The following TIAM2 variants were observed in gnomAD, a reference collection of about 807,000 sequenced individuals.
TIAM2 encodes TIAM Rac1 associated GEF 2.
TIAM2 carries 80 observed loss-of-function variants against 152.9 expected under a neutral mutation model. The ratio of observed to expected loss-of-function variants is 0.52; its 90% confidence interval spans 0.44 to 0.63. TIAM2 has a LOEUF of 0.63. Ranked by LOEUF, TIAM2 falls within the 30% of genes least tolerant of loss-of-function variation. The pLI, the probability that TIAM2 is intolerant of heterozygous loss-of-function variation, is 0.00. For missense variants in TIAM2, 1,965 were observed against 2,120.1 expected (o/e 0.93, Z 1.44); for synonymous variants, 804 against 838.0 (o/e 0.96, Z 0.70).
intron 4 of TIAM2, among the ~76,000 whole-genome samples, chr6:155,136,308 CT>C (rs1344019378): frequency 6.6e-6 from 1 of 151,564 alleles, no homozygotes; most frequent in Non-Finnish European, 1.5e-5. Flanking sequence ...GAGTTTCGCT[CT>C]TGTTGCCCAG....
At chr6:155,099,952 TG>T (rs1231073592) in intron 2 of TIAM2, among the ~76,000 whole-genome samples, 1 of 152,162 alleles carries the variant, frequency 6.6e-6, no homozygotes, top group Non-Finnish European at 1.5e-5. Context: ...TGTAACACAA[TG>T]GGAAGTATTT....
chr6:155,027,316 G>A, intron 1 of TIAM2, among the ~76,000 whole-genome samples: 1 of 147,626 alleles, frequency 6.8e-6, no homozygotes, highest in Admixed American at 6.9e-5. Context: ...ATGAGCCATC[G>A]CACCTGTATA....
Position 155,253,031 on chromosome 6 carries a change from A to C in TIAM2, c.4203A>C (p.Gln1401His). ...GGTTGATCCCCATCTCCGCGCTTCAAGTCAGACTGGGGAATCCAGCAGGTA... is the reference window on the plus strand; with the variant it reads ...GGTTGATCCCCATCTCCGCGCTTCACGTCAGACTGGGGAATCCAGCAGGTA... The part of the protein sequence containing the change: ...FRWLIPISAL[Q>H]VRLGNPAGTE... The change falls in exon 24 of 27, where the codon CAA (glutamine) becomes CAC (histidine). Residue 1401 changes from glutamine to histidine, a missense_variant. Gln to His is a conservative substitution (Grantham distance 24). Around this residue, in one of 3 missense-constraint regions of TIAM2, gnomAD observed 935 missense variants for 980.0 expected, o/e 0.95. Coordinates refer to ENST00000682666, the MANE Select transcript of TIAM2 (RefSeq NM_012454.4). The C allele has an allele frequency of 6.2e-7, 1 of 1,614,162 alleles. No individual in the cohort carries two copies. Among genetic ancestry groups the C allele is most frequent in the South Asian group, 1.1e-5 (1 of 91,072 alleles).
At chr6:155,049,410 A>G (rs927497012) in intron 1 of TIAM2, among the ~76,000 whole-genome samples, 1 of 152,144 alleles carries the variant, frequency 6.6e-6, no homozygotes, top group Admixed American at 6.5e-5. Context: ...ATAAAATTAG[A>G]TAATGGAAAT....
intron 1 of TIAM2, among the ~76,000 whole-genome samples, chr6:155,022,855 T>A (rs1387626681): frequency 6.6e-6 from 1 of 152,224 alleles, no homozygotes; most frequent in Non-Finnish European, 1.5e-5. Flanking sequence ...GGGCTAACGA[T>A]GGTTTCTTAG....
At position 155,254,479 on chromosome 6, in the gene TIAM2, C is replaced by A. The variant is rs536723125; in HGVS notation, c.4374C>A (p.Phe1458Leu). The change falls in exon 26 of 27, where the codon TTC (phenylalanine) becomes TTA (leucine). Residue 1458 changes from phenylalanine (F) to leucine (L), a missense_variant. Transcript: ENST00000682666. The stretch of plus-strand genomic sequence containing the variant: ...TTCGTTCTATTCTGAGGGAGAACTT[C>A]AGGCGTCACATAAAGTGTGAATTAC... ...KVIRSILREN[F>L]RRHIKCELPL... 19 of 1,614,160 alleles carry A rather than the reference C, an allele frequency of 1.2e-5. No homozygotes were observed. The highest frequency in any genetic ancestry group is 1.7e-5 in the Admixed American group (1 of 60,024).
chr6:155,245,747 CT>C lies in TIAM2; in HGVS notation c.3652+20del. The stretch of plus-strand genomic sequence containing the variant: ...CTGGAGCGAGGTAAGTTGCTTATGC[CT>C]TTTATAGTTTTTTTTTTTTTTTGCA... On this transcript the variant is annotated intron_variant, in intron 19 of 26. Coordinates refer to ENST00000682666, the MANE Select transcript of TIAM2 (RefSeq NM_012454.4). The C allele has an allele frequency of 3.2e-6, 3 of 934,708 alleles. No individual in the cohort carries two copies. The highest frequency in any genetic ancestry group is 2.4e-5 in the African/African-American group (1 of 40,998). The allele number at this position is 934,708 out of a possible 1,614,324, so 57.9% of individuals were successfully genotyped here. A position where few individuals can be genotyped will look rare whatever the true frequency, so the allele number is the denominator to read the frequency against.
chr6:155,079,654 T>G (rs1444781563), intron 1 of TIAM2, among the ~76,000 whole-genome samples: 7 of 152,182 alleles, frequency 4.6e-5, no homozygotes, highest in Admixed American at 3.9e-4. Flanking sequence ...GTTCAAAAAA[T>G]TTCTAATAGA....
At chr6:155,200,947 AAAG>A (rs1165632175) in intron 14 of TIAM2, among the ~76,000 whole-genome samples, 2 of 152,086 alleles carry the variant, frequency 1.3e-5, no homozygotes, top group African/African-American at 2.4e-5. Flanking sequence ...AAAAATAAAA[AAAG>A]AAGTCACTCC....
chr6:155,137,082 T>G, intron 4 of TIAM2, 95 bp from the exon 5 acceptor site: 1 of 1,306,746 alleles, frequency 7.7e-7, no homozygotes, highest in South Asian at 1.5e-5. Context: ...CATTACATTA[T>G]CAGCAGCCAC....
At chr6:155,232,849 C>T (rs1782548937) in intron 15 of TIAM2, 2 of 152,252 alleles carry the variant, frequency 1.3e-5, no homozygotes, top group Non-Finnish European at 2.9e-5. Context: ...CCCCAACATA[C>T]TTTTCCTCTA....
At chr6:155,109,044 C>T (rs1346331177) in intron 2 of TIAM2, among the ~76,000 whole-genome samples, 2 of 152,036 alleles carry the variant, frequency 1.3e-5, no homozygotes, top group African/African-American at 4.8e-5. Flanking sequence ...AGTGCAATGG[C>T]GCGATCTCAG....
intron 15 of TIAM2, chr6:155,217,150 CT>C: frequency 1.6e-6 from 2 of 1,280,430 alleles, no homozygotes; most frequent in Non-Finnish European, 2.0e-6. Context: ...TGTAGGCATG[CT>C]TGCACGGTTT....
At chr6:155,030,379 T>C (rs778521070) in intron 1 of TIAM2, among the ~76,000 whole-genome samples, 19 of 152,152 alleles carry the variant, frequency 1.2e-4, no homozygotes, top group African/African-American at 3.6e-4. Context: ...AGAAGTTGAT[T>C]TTAACAGTCC....
At chr6:155,088,820 G>A (rs1340474312) in intron 1 of TIAM2, among the ~76,000 whole-genome samples, 1 of 152,020 alleles carries the variant, frequency 6.6e-6, no homozygotes, top group Non-Finnish European at 1.5e-5. Flanking sequence ...TTTTTTAAAA[G>A]CTCATCAGCT....
intron 15 of TIAM2, among the ~76,000 whole-genome samples, chr6:155,237,673 A>G (rs1209331545): frequency 1.3e-5 from 2 of 152,228 alleles, no homozygotes; most frequent in Admixed American, 6.5e-5. Context: ...TCAACACCAC[A>G]TGGAAGCTGT....
At chr6:155,236,828 C>T (rs1189688554) in intron 15 of TIAM2, among the ~76,000 whole-genome samples, 1 of 152,174 alleles carries the variant, frequency 6.6e-6, no homozygotes, top group Non-Finnish European at 1.5e-5. Context: ...CAATCATCTC[C>T]CACTGGGCCC....
chr6:155,067,119 T>A (rs1256757414), intron 1 of TIAM2, among the ~76,000 whole-genome samples: 1 of 152,102 alleles, frequency 6.6e-6, no homozygotes, highest in Non-Finnish European at 1.5e-5. Flanking sequence ...AAGAGGGTCT[T>A]TGTGGTACAG....
intron 1 of TIAM2, among the ~76,000 whole-genome samples, chr6:155,076,497 G>A (rs901917931): frequency 2.0e-5 from 3 of 152,122 alleles, no homozygotes; most frequent in East Asian, 1.9e-4. Context: ...GGCTTAGGGG[G>A]AAGTACAAAG....
Sources: allele counts gnomAD v4.1 joint callset (sites outside exome capture counted in the v4.1 genomes callset), GRCh38; gene constraint gnomAD v4.1.1; regional missense constraint gnomAD v4.1.1; transcripts MANE v1.5; gene names NCBI Gene and HGNC (gene_info 2026-07-23, HGNC 2026-07-21).